Variants in UGT2B4 observed in about 807,000 individuals in gnomAD.
UGT2B4 encodes UDP-glucuronosyltransferase 2B4.
UGT2B4 carries 49 observed loss-of-function variants against 49.8 expected under a neutral mutation model. That is an observed-to-expected ratio of 0.98 (90% confidence interval 0.78 to 1.25). The LOEUF is 1.25. Among genes scored for constraint, UGT2B4 ranks in the 50% most tolerant of loss-of-function variants. UGT2B4 has a pLI of 0.00. For missense variants in UGT2B4, 729 were observed against 627.7 expected, an observed-to-expected ratio of 1.16 and a Z score of -1.73; for synonymous variants, 246 against 217.7, an observed-to-expected ratio of 1.13 and a Z score of -1.14.
chr4:69,522,001 T>C (rs994935763), intron 1 of UGT2B4, among the ~76,000 whole-genome samples: 21 of 152,222 alleles, frequency 1.4e-4, no homozygotes, highest in African/African-American at 4.8e-4. Flanking sequence ...TTAACGGGCA[T>C]ATATAGCCTT....
intron 1 of UGT2B4, among the ~76,000 whole-genome samples, chr4:69,510,796 C>G (rs1370667480): frequency 1.3e-5 from 2 of 151,762 alleles, no homozygotes; most frequent in Admixed American, 1.3e-4. Flanking sequence ...GTGTTATATA[C>G]TTTTATTTAT....
At chr4:69,489,052 A>G (rs907325784) in intron 3 of UGT2B4, among the ~76,000 whole-genome samples, 1 of 152,168 alleles carries the variant, frequency 6.6e-6, no homozygotes, top group Admixed American at 6.6e-5. Context: ...GAAGTTACTC[A>G]TTAAAATGTA....
At chr4:69,502,019 GCT>G (rs1728330565) in intron 1 of UGT2B4, among the ~76,000 whole-genome samples, 1 of 151,998 alleles carries the variant, frequency 6.6e-6, no homozygotes, top group Admixed American at 6.6e-5. Flanking sequence ...CCTCTGCATT[GCT>G]CCTGGGTGGG....
chr4:69,505,811 G>A (rs964640432), intron 1 of UGT2B4, among the ~76,000 whole-genome samples: 2 of 152,138 alleles, frequency 1.3e-5, no homozygotes, highest in Non-Finnish European at 2.9e-5. Context: ...TACATAATCA[G>A]AAGTGAAACA....
intron 5 of UGT2B4, among the ~76,000 whole-genome samples, chr4:69,483,399 G>A (rs1727660331): frequency 6.6e-6 from 1 of 151,982 alleles, no homozygotes; most frequent in South Asian, 2.1e-4. Flanking sequence ...TGTGTGTTAT[G>A]TTACATTACA....
intron 3 of UGT2B4, among the ~76,000 whole-genome samples, chr4:69,487,625 GA>G (rs1274040416): frequency 6.6e-6 from 1 of 151,846 alleles, no homozygotes; most frequent in Non-Finnish European, 1.5e-5. Context: ...AAAGGATCAG[GA>G]AAAATAACTA....
At chr4:69,488,420 C>T (rs1428180550) in intron 3 of UGT2B4, among the ~76,000 whole-genome samples, 2 of 151,810 alleles carry the variant, frequency 1.3e-5, no homozygotes, top group Non-Finnish European at 2.9e-5. Flanking sequence ...AAATAATTTA[C>T]GGTGTTTAAG....
intron 1 of UGT2B4, among the ~76,000 whole-genome samples, chr4:69,507,229 C>A (rs992841245): frequency 3.3e-5 from 5 of 152,154 alleles, no homozygotes; most frequent in Non-Finnish European, 7.4e-5. Context: ...TCAGGGCCAT[C>A]AGGCGAGCGA....
At chr4:69,502,068 T>G (rs567322730) in intron 1 of UGT2B4, among the ~76,000 whole-genome samples, 1 of 151,114 alleles carries the variant, frequency 6.6e-6, no homozygotes, top group Non-Finnish European at 1.5e-5. Flanking sequence ...CCTTCCTTCC[T>G]TCTTTTCTTT....
rs114729381 is a variant in UGT2B4 at position 69,522,307 on chromosome 4, T to G, written c.-106+3380A>C. ...TCTGATAATTAAGAATAATACGAAT[T>G]ATCAATCATTTTTCTCATGTAGACT... On this transcript the variant is annotated intron_variant, in intron 1 of 1. Transcript: ENST00000510114. Among the ~76,000 whole-genome samples the G allele has an allele frequency of 4.3e-3, 654 of 152,304 alleles. 6 individuals are homozygous for G. The highest frequency in any genetic ancestry group is 0.014 in the African/African-American group (563 of 41,558).
At chr4:69,519,871 G>A (rs1864834) in intron 1 of UGT2B4, among the ~76,000 whole-genome samples, 53,350 of 151,916 alleles carry the variant, frequency 0.35, 9,432 homozygotes, top group Non-Finnish European at 0.37. Context: ...AGATTCACTT[G>A]GCTAGATGAA....
chr4:69,504,410 T>C (rs1185515587), intron 1 of UGT2B4, among the ~76,000 whole-genome samples: 1 of 152,016 alleles, frequency 6.6e-6, no homozygotes, highest in Non-Finnish European at 1.5e-5. Flanking sequence ...ATGTAACCAA[T>C]CTGATAGAGC....
At chr4:69,520,842 G>T (rs113196141) in intron 1 of UGT2B4, among the ~76,000 whole-genome samples, 1 of 152,156 alleles carries the variant, frequency 6.6e-6, no homozygotes, top group Non-Finnish European at 1.5e-5. Context: ...ACTCCTGGGC[G>T]GTAAGAGGCA....
chr4:69,505,112 C>T (rs1249207592), intron 1 of UGT2B4, among the ~76,000 whole-genome samples: 2 of 152,144 alleles, frequency 1.3e-5, no homozygotes, highest in South Asian at 4.1e-4. Context: ...CCAACCATTA[C>T]AAAAGCACAC....
intron 4 of UGT2B4, among the ~76,000 whole-genome samples, chr4:69,486,371 A>G (rs1727781730): frequency 6.6e-6 from 1 of 152,168 alleles, no homozygotes; most frequent in Non-Finnish European, 1.5e-5. Context: ...ATTCTGTGGG[A>G]GGTAATAACA....
intron 1 of UGT2B4, among the ~76,000 whole-genome samples, chr4:69,521,129 A>G (rs1485488532): frequency 6.6e-6 from 1 of 152,186 alleles, no homozygotes; most frequent in South Asian, 2.1e-4. Flanking sequence ...ACGTCACTCA[A>G]TGAAGCTCTT....
intron 4 of UGT2B4, 128 bp from the exon 5 acceptor site, chr4:69,485,555 T>A: frequency 7.4e-7 from 1 of 1,344,636 alleles, no homozygotes; most frequent in South Asian, 1.3e-5. Flanking sequence ...TTTTTGAGAC[T>A]TCAGAGGAAG....
chr4:69,512,553 C>G (rs180839235), intron 1 of UGT2B4, among the ~76,000 whole-genome samples: 1 of 152,170 alleles, frequency 6.6e-6, no homozygotes. Flanking sequence ...TGCTTTGTGA[C>G]TTAACGTGTA....
chr4:69,493,869 A>C (rs1728068705), intron 1 of UGT2B4, 28 bp from the exon 2 acceptor site: 1 of 1,570,322 alleles, frequency 6.4e-7, no homozygotes, highest in South Asian at 1.2e-5. Context: ...AAGAAAAGAT[A>C]GATGACACAA....
Sources: gnomAD v4.1 joint callset for allele counts (sites outside exome capture counted in the v4.1 genomes callset) on GRCh38, gnomAD v4.1.1 for gene constraint, MANE v1.5 for transcripts, NCBI Gene and HGNC (gene_info 2026-07-23, HGNC 2026-07-21) for gene names.